The following VWC2 variants were observed in gnomAD, a reference collection of about 807,000 sequenced individuals.
VWC2 encodes the protein von Willebrand factor C domain containing 2.
A neutral mutation model predicts 29.8 loss-of-function variants in VWC2; 14 were observed. The observed-to-expected ratio is 0.47, with a 90% CI of 0.31 to 0.74. The LOEUF is 0.74. Among genes scored for constraint, VWC2 ranks in the 30% least tolerant of loss-of-function variants. The pLI, the probability that VWC2 is intolerant of heterozygous loss-of-function variation, is 0.05. For synonymous variants in VWC2, 213 were observed against 199.0 expected (o/e 1.07, Z -0.59); for missense variants, 457 against 459.8 (o/e 0.99, Z 0.05).
At chr7:49,859,637 C>A (rs1790565618) in intron 3 of VWC2, among the ~76,000 whole-genome samples, 1 of 152,206 alleles carries the variant, frequency 6.6e-6, no homozygotes, top group African/African-American at 2.4e-5. Context: ...TTGCCTATTG[C>A]ATGCGAATAC....
chr7:49,887,476 T>C (rs1285146598), intron 3 of VWC2, among the ~76,000 whole-genome samples: 1 of 150,514 alleles, frequency 6.6e-6, no homozygotes, highest in Non-Finnish European at 1.5e-5. Context: ...TGGATTACAA[T>C]GTTTTTGTTT....
At chr7:49,790,172 A>G (rs148269571) in intron 2 of VWC2, among the ~76,000 whole-genome samples, 1 of 152,342 alleles carries the variant, frequency 6.6e-6, no homozygotes, top group African/African-American at 2.4e-5. Flanking sequence ...GTTCCTGTTG[A>G]TCTGTATTAA....
chr7:49,821,406 C>T (rs1789258541), intron 3 of VWC2, among the ~76,000 whole-genome samples: 1 of 152,220 alleles, frequency 6.6e-6, no homozygotes, highest in African/African-American at 2.4e-5. Context: ...ACTTGTCACT[C>T]TCTGAACCAT....
At chr7:49,816,918 G>A (rs1336674537) in intron 3 of VWC2, among the ~76,000 whole-genome samples, 1 of 152,188 alleles carries the variant, frequency 6.6e-6, no homozygotes, top group Non-Finnish European at 1.5e-5. Flanking sequence ...TGAGGATTAA[G>A]GAAGTCAAGA....
At chr7:49,853,358 G>T (rs1790276347) in intron 3 of VWC2, among the ~76,000 whole-genome samples, 1 of 152,208 alleles carries the variant, frequency 6.6e-6, no homozygotes, top group Admixed American at 6.5e-5. Context: ...AGGAAGTCAT[G>T]CCTGAAGTCT....
At chr7:49,857,044 C>T (rs928054421) in intron 3 of VWC2, among the ~76,000 whole-genome samples, 6 of 116,524 alleles carry the variant, frequency 5.1e-5, no homozygotes. Flanking sequence ...AAAAAAAAGA[C>T]GTAACATGAT....
At chr7:49,858,175 T>C (rs1790502745) in intron 3 of VWC2, among the ~76,000 whole-genome samples, 1 of 152,216 alleles carries the variant, frequency 6.6e-6, no homozygotes, top group South Asian at 2.1e-4. Flanking sequence ...CCTGGCTTTT[T>C]AATGATTGCC....
intron 3 of VWC2, among the ~76,000 whole-genome samples, chr7:49,831,386 G>T (rs911616824): frequency 1.3e-5 from 2 of 152,122 alleles, no homozygotes; most frequent in African/African-American, 2.4e-5. Context: ...CTGAACACTA[G>T]AATTCAGGAA....
intron 3 of VWC2, among the ~76,000 whole-genome samples, chr7:49,806,407 C>A (rs144640501): frequency 3.5e-4 from 54 of 152,256 alleles, no homozygotes; most frequent in African/African-American, 1.1e-3. Flanking sequence ...AGGGAGGATA[C>A]GACATATGCC....
In VWC2 at chr7:49,775,468, G is replaced by T. The variant is rs770809440; in HGVS notation, c.33G>T (p.Ala11=). The T allele has an allele frequency of 5.4e-6, 8 of 1,489,678 alleles. No homozygotes were observed. In the Admixed American group the frequency reaches 8.8e-5, roughly 16 times the overall value. 92.3% of individuals were successfully genotyped at this position (1,489,678 alleles called of 1,614,324 possible). MPSSTAMAVG[A]LSSSLLVTCC... The stretch of plus-strand genomic sequence containing the variant: ...GCTCCACTGCGATGGCAGTTGGCGC[G>T]CTCTCCAGTTCCCTCCTGGTCACCT... The change falls in exon 2 of 4, where the codon GCG becomes GCT. Residue 11 remains alanine, a synonymous_variant. Coordinates refer to ENST00000340652, the MANE Select transcript of VWC2 (RefSeq NM_198570.5).
Position 49,775,632 on chromosome 7 carries a change from C to T in VWC2, c.197C>T (p.Ala66Val). ...PGRVNELGRP[A>V]RDEGGSGRDW... ...CGGGTGAACGAGCTCGGGCGCCCGG[C>T]GAGGGACGAGGGCGGCAGCGGCCGG... Residue 66 changes from alanine (A) to valine (V), a missense_variant, in exon 2 of 4, where the codon GCG becomes GTG. By Grantham distance (64) the Ala-to-Val change is moderately conservative. Transcript: ENST00000340652. 1 of 1,528,706 alleles carries T rather than the reference C, an allele frequency of 6.5e-7. No homozygotes were observed. Among genetic ancestry groups the T allele is most frequent in the South Asian group, 1.2e-5 (1 of 82,212 alleles). The allele number at this position is 1,528,706 out of a possible 1,614,324, so 94.7% of individuals were successfully genotyped here. A position where few individuals can be genotyped will look rare whatever the true frequency, so the allele number is the denominator to read the frequency against.
chr7:49,775,428 G>T lies in VWC2; in HGVS notation c.-8G>T, dbSNP rs557444181. 212 of 1,360,308 alleles carry T rather than the reference G, an allele frequency of 1.6e-4. No homozygotes were observed. Among genetic ancestry groups the T allele is most frequent in the Non-Finnish European group, 1.8e-4 (195 of 1,055,306 alleles). The allele number at this position is 1,360,308 out of a possible 1,614,324, so 84.3% of individuals were successfully genotyped here. A position where few individuals can be genotyped will look rare whatever the true frequency, so the allele number is the denominator to read the frequency against. ...CCCGCCCGCCCGCCCGCCGGGACGTGGTAGGGGATGCCCAGCTCCACTGCG... is the reference window on the plus strand; with the variant it reads ...CCCGCCCGCCCGCCCGCCGGGACGTTGTAGGGGATGCCCAGCTCCACTGCG... On this transcript the variant is annotated 5_prime_UTR_variant, in exon 2 of 4. Transcript: ENST00000340652.
chr7:49,805,942 AG>A (rs1788866380), intron 3 of VWC2, among the ~76,000 whole-genome samples: 1 of 152,274 alleles, frequency 6.6e-6, no homozygotes, highest in African/African-American at 2.4e-5. Flanking sequence ...TCAAAGGAGC[AG>A]AAGTTGGAAA....
intron 3 of VWC2, among the ~76,000 whole-genome samples, chr7:49,892,256 C>T (rs1415473686): frequency 6.6e-6 from 1 of 151,634 alleles, no homozygotes; most frequent in Non-Finnish European, 1.5e-5. Context: ...CCGTGTTAGC[C>T]AGGATGGTCT....
intron 2 of VWC2, among the ~76,000 whole-genome samples, chr7:49,776,862 G>A (rs926822551): frequency 6.6e-6 from 1 of 152,206 alleles, no homozygotes; most frequent in Admixed American, 6.5e-5. Context: ...TGGAGAAGAG[G>A]AAACAGACAC....
intron 3 of VWC2, among the ~76,000 whole-genome samples, chr7:49,830,041 T>C (rs1001567785): frequency 3.9e-5 from 6 of 152,350 alleles, no homozygotes; most frequent in Non-Finnish European, 5.9e-5. Context: ...GATTTTCTTT[T>C]TCATGTCTTC....
At chr7:49,849,760 C>T (rs903434529) in intron 3 of VWC2, among the ~76,000 whole-genome samples, 8 of 152,202 alleles carry the variant, frequency 5.3e-5, no homozygotes, top group African/African-American at 1.9e-4. Flanking sequence ...TTATTCTGCT[C>T]TCTGAGAGTC....
chr7:49,797,425 A>G (rs954854874), intron 2 of VWC2, among the ~76,000 whole-genome samples: 1 of 152,214 alleles, frequency 6.6e-6, no homozygotes, highest in Non-Finnish European at 1.5e-5. Context: ...ATATTCACAA[A>G]CATAATTATT....
At chr7:49,893,255 G>A (rs553363101) in intron 3 of VWC2, among the ~76,000 whole-genome samples, 3 of 152,146 alleles carry the variant, frequency 2.0e-5, no homozygotes, top group Non-Finnish European at 2.9e-5. Context: ...TAGGTTCCAC[G>A]AATCTAGAAT....
Sources: allele counts gnomAD v4.1 joint callset (sites outside exome capture counted in the v4.1 genomes callset), GRCh38; gene constraint gnomAD v4.1.1; transcripts MANE v1.5; gene names NCBI Gene and HGNC (gene_info 2026-07-23, HGNC 2026-07-21).